The following REV3L variants were observed in gnomAD, a reference collection of about 807,000 sequenced individuals.
REV3L encodes REV3 like, DNA directed polymerase zeta catalytic subunit, also known as DNA polymerase zeta catalytic subunit.
A neutral mutation model predicts 299.4 loss-of-function variants in REV3L; 69 were observed. The ratio of observed to expected loss-of-function variants is 0.23; its 90% CI spans 0.19 to 0.28. The LOEUF (loss-of-function observed/expected upper bound fraction) is 0.28. Among genes scored for constraint, REV3L ranks in the 10% least tolerant of loss-of-function variants. The probability of loss-of-function intolerance (pLI) is 1.00; values close to 1 mark genes in which losing one functional copy is unlikely to be tolerated. For missense variants in REV3L, 3,128 were observed against 3,693.8 expected (o/e 0.85, Z 3.97); for synonymous variants, 1,238 against 1,271.4 (o/e 0.97, Z 0.56).
chr6:111,385,848 A>G (rs748302649), intron 9 of REV3L, among the ~76,000 whole-genome samples: 8 of 152,202 alleles, frequency 5.3e-5, no homozygotes, highest in Non-Finnish European at 1.0e-4. Flanking sequence ...GCCTTTAAAG[A>G]TGCTCAAATT....
chr6:111,301,339 G>T (rs1771499112), intron 31 of REV3L, among the ~76,000 whole-genome samples: 1 of 151,974 alleles, frequency 6.6e-6, no homozygotes, highest in Admixed American at 6.6e-5. Flanking sequence ...CTGCCTCTTT[G>T]CTGTTGTGAT....
chr6:111,460,184 C>A (rs1207304194), intron 1 of REV3L: 1 of 152,058 alleles, frequency 6.6e-6, no homozygotes, highest in Non-Finnish European at 1.5e-5. Context: ...CCAAATACCC[C>A]ATGTTCTCAC....
intron 13 of REV3L, 65 bp from the exon 14 acceptor site, chr6:111,368,093 C>T (rs1779409957): frequency 1.5e-6 from 2 of 1,366,266 alleles, no homozygotes; most frequent in Admixed American, 2.6e-5. Context: ...TATTTAACTC[C>T]ATATCCTAGA....
intron 22 of REV3L, 70 bp from the exon 23 acceptor site, chr6:111,333,437 C>G: frequency 6.5e-7 from 1 of 1,530,594 alleles, no homozygotes; most frequent in Non-Finnish European, 8.9e-7. Context: ...AATATATAAT[C>G]ATTTGAGGAT....
At chr6:111,417,864 T>C (rs1321554448) in intron 1 of REV3L, among the ~76,000 whole-genome samples, 1 of 152,366 alleles carries the variant, frequency 6.6e-6, no homozygotes, top group Admixed American at 6.5e-5. Context: ...AACTACCAAC[T>C]GTCGTGCTTT....
rs750650726 is a variant in REV3L at position 111,333,362 on chromosome 6, A to G, written c.7686T>C (p.Arg2562=). The change falls in exon 23 of 32, where the codon CGT becomes CGC. Residue 2562 remains arginine, a synonymous_variant. Transcript: ENST00000368802. Reference sequence around the variant, plus strand: ...CAATACGCAACATCATTGATTCCACACGGTACTGCAGGGAGAAAGGGAGGT... The same window carrying G: ...CAATACGCAACATCATTGATTCCACGCGGTACTGCAGGGAGAAAGGGAGGT... The part of the protein sequence containing the change: ...LHVLTRGSQY[R]VESMMLRIAK... The G allele has an allele frequency of 6.2e-7, 1 of 1,614,030 alleles. No individual in the cohort carries two copies. The highest frequency in any genetic ancestry group is 2.2e-5 in the East Asian group (1 of 44,868).
At chr6:111,331,827 T>G in intron 23 of REV3L, 43 bp from the exon 24 acceptor site, 1 of 1,242,760 alleles carries the variant, frequency 8.0e-7, no homozygotes, top group South Asian at 1.3e-5. Context: ...CCTCAAATCA[T>G]AGAACAGAGA....
chr6:111,310,273 C>T, intron 29 of REV3L, 174 bp from the exon 30 acceptor site: 1 of 701,006 alleles, frequency 1.4e-6, no homozygotes, highest in Non-Finnish European at 2.1e-6. Context: ...GCTTAGTTGA[C>T]ACCAAGTGTA....
chr6:111,351,245 A>G (rs1777537012), intron 19 of REV3L, among the ~76,000 whole-genome samples: 2 of 152,208 alleles, frequency 1.3e-5, no homozygotes, highest in Admixed American at 1.3e-4. Context: ...AAATGGATTA[A>G]AAAAAACAGA....
chr6:111,388,325 A>G (rs1172290911), intron 7 of REV3L, among the ~76,000 whole-genome samples: 2 of 152,192 alleles, frequency 1.3e-5, no homozygotes, highest in Non-Finnish European at 2.9e-5. Flanking sequence ...ATCTAAATCT[A>G]AAACAGAAAA....
At chr6:111,363,277 C>A (rs920748817) in intron 16 of REV3L, among the ~76,000 whole-genome samples, 6 of 151,970 alleles carry the variant, frequency 3.9e-5, no homozygotes, top group African/African-American at 1.5e-4. Flanking sequence ...ATATAATAAT[C>A]CCCAAAATAC....
At chr6:111,368,170 G>T (rs746520665) in intron 13 of REV3L, 142 bp from the exon 14 acceptor site, 5 of 668,488 alleles carry the variant, frequency 7.5e-6, no homozygotes, top group Non-Finnish European at 1.2e-5. Context: ...TATTGTGCAG[G>T]TACATTCTAT....
At chr6:111,333,083 A>C in intron 23 of REV3L, 40 bp downstream of exon 23, 1 of 1,604,160 alleles carries the variant, frequency 6.2e-7, no homozygotes, top group South Asian at 1.1e-5. Flanking sequence ...AAGAAGTACA[A>C]AGCACAACAA....
chr6:111,326,605 A>AT (rs1554192769), intron 25 of REV3L, among the ~76,000 whole-genome samples: 8 of 146,138 alleles, frequency 5.5e-5, no homozygotes, highest in South Asian at 2.1e-4. Flanking sequence ...CTGGGTATAT[A>AT]CCCCCCCCAA....
chr6:111,362,923 GCTGCTAGCGGCTACCATACGA>G (rs916083472), intron 16 of REV3L, among the ~76,000 whole-genome samples: 2 of 152,274 alleles, frequency 1.3e-5, no homozygotes, highest in East Asian at 3.9e-4. Context: ...CAATATCCAT[GCTGCTAGCGGCTACCATACGA>G]CAGCACAGGT....
chr6:111,311,280 C>G (rs1772948830), intron 28 of REV3L, 21 bp from the exon 29 acceptor site: 1 of 1,560,172 alleles, frequency 6.4e-7, no homozygotes, highest in African/African-American at 1.4e-5. Context: ...AAAAGATATG[C>G]AAGTAAAGAT....
chr6:111,409,106 C>G (rs1213838760), intron 3 of REV3L, among the ~76,000 whole-genome samples: 1 of 152,176 alleles, frequency 6.6e-6, no homozygotes, highest in Non-Finnish European at 1.5e-5. Context: ...GTTTACAAAT[C>G]CTTGTTTTTA....
intron 5 of REV3L, among the ~76,000 whole-genome samples, chr6:111,390,602 T>C (rs1215271200): frequency 6.6e-6 from 1 of 151,956 alleles, no homozygotes; most frequent in Non-Finnish European, 1.5e-5. Context: ...GAACATGCAA[T>C]AAAAGGGAAG....
chr6:111,357,164 TATA>T (rs751028616), intron 17 of REV3L, 39 bp from the exon 18 acceptor site: 42 of 723,952 alleles, frequency 5.8e-5, no homozygotes, highest in Admixed American at 3.9e-4. Flanking sequence ...TATAACATTA[TATA>T]ATAATATACC....
Sources: gnomAD v4.1 joint callset for allele counts (sites outside exome capture counted in the v4.1 genomes callset) on GRCh38, gnomAD v4.1.1 for gene constraint, MANE v1.5 for transcripts, NCBI Gene and HGNC (gene_info 2026-07-23, HGNC 2026-07-21) for gene names.